GAPVD1: variants seen among roughly 807,000 people sequenced by gnomAD.
GAPVD1 encodes the protein GTPase-activating protein and VPS9 domain-containing protein 1.
GAPVD1 carries 35 observed loss-of-function variants against 155.5 expected under a neutral mutation model. That is an observed-to-expected ratio of 0.23 (90% CI 0.17 to 0.30). GAPVD1 has a LOEUF of 0.30. GAPVD1 is among the 10% of genes least tolerant of loss of function. The pLI is 1.00. For missense variants in GAPVD1, 1,429 were observed against 1,775.7 expected, an observed-to-expected ratio of 0.80 and a Z score of 3.51; for synonymous variants, 636 against 619.7, an observed-to-expected ratio of 1.03 and a Z score of -0.39.
intron 17 of GAPVD1, among the ~76,000 whole-genome samples, chr9:125,338,092 T>A (rs1315404263): frequency 1.3e-5 from 2 of 152,210 alleles, no homozygotes; most frequent in Non-Finnish European, 2.9e-5. Context: ...GCCAGGATGG[T>A]TTTGATCTCC....
intron 17 of GAPVD1, among the ~76,000 whole-genome samples, chr9:125,340,173 A>G (rs1453991573): frequency 6.6e-6 from 1 of 152,074 alleles, no homozygotes; most frequent in East Asian, 1.9e-4. Flanking sequence ...GGCGAGCACC[A>G]CCACGCCCGG....
intron 25 of GAPVD1, among the ~76,000 whole-genome samples, chr9:125,358,401 C>T (rs981933297): frequency 3.9e-5 from 6 of 152,144 alleles, no homozygotes; most frequent in South Asian, 2.1e-4. Flanking sequence ...CCACCCCGCC[C>T]GGCCTTCTGT....
chr9:125,339,821 G>A (rs1847579468), intron 17 of GAPVD1, among the ~76,000 whole-genome samples: 1 of 152,108 alleles, frequency 6.6e-6, no homozygotes, highest in African/African-American at 2.4e-5. Flanking sequence ...TATTCCATCA[G>A]TTCTCCTGTA....
intron 2 of GAPVD1, among the ~76,000 whole-genome samples, chr9:125,288,037 G>A (rs1251755876): frequency 6.6e-6 from 1 of 151,896 alleles, no homozygotes; most frequent in Non-Finnish European, 1.5e-5. Context: ...ACCGTTTCTG[G>A]CCTACTTTAA....
At chr9:125,294,823 A>G (rs2132681215) in intron 2 of GAPVD1, among the ~76,000 whole-genome samples, 1 of 152,172 alleles carries the variant, frequency 6.6e-6, no homozygotes, top group East Asian at 1.9e-4. Context: ...TTTGTGTGGT[A>G]TTTGGGTGTA....
chr9:125,272,287 G>A (rs1261261584), intron 2 of GAPVD1, among the ~76,000 whole-genome samples: 5 of 152,148 alleles, frequency 3.3e-5, no homozygotes, highest in Admixed American at 3.3e-4. Context: ...CTCCCAAAGT[G>A]CTGGGATTAC....
In GAPVD1 at chr9:125,278,787, A is replaced by G. The variant is rs531910612; in HGVS notation, c.-150+9803A>G. 2.6e-4 allele frequency among the ~76,000 whole-genome samples: 40 copies of G among 152,148 alleles called. No individual in the cohort carries two copies. In the South Asian group the frequency reaches 7.5e-3, roughly 28 times the overall value. On this transcript the variant is annotated intron_variant, in intron 2 of 27. Transcript: ENST00000297933. Reference sequence around the variant, plus strand: ...GACATCAAGGCTGCAGTGAGCCATTATCATGCCACAGTACTCCAGCCTGGG... The same window carrying G: ...GACATCAAGGCTGCAGTGAGCCATTGTCATGCCACAGTACTCCAGCCTGGG...
intron 12 of GAPVD1, among the ~76,000 whole-genome samples, chr9:125,327,643 G>C (rs1271856515): frequency 6.6e-6 from 1 of 151,992 alleles, no homozygotes. Flanking sequence ...AGCTGGGACT[G>C]CAGGTGCCCA....
Position 125,341,211 on chromosome 9 carries a change from C to T in GAPVD1, c.2912C>T (p.Ser971Leu), listed in dbSNP as rs1348648251. Reference protein sequence around the residue: ...EERKDSDDEKSDRNRPWWRKR... With the variant: ...EERKDSDDEKLDRNRPWWRKR... ...CGCAAAGATAGCGATGATGAGAAAT[C>T]AGACAGGAACAGACCTTGGTGGAGA... The change falls in exon 18 of 28, where the codon TCA becomes TTA. Residue 971 changes from serine (S) to leucine (L), a missense_variant. Ser to Leu is a moderately radical substitution (Grantham distance 145). This residue lies in a region of GAPVD1 where 699 missense variants were observed against 826.0 expected (regional missense o/e 0.85). Transcript: ENST00000297933. 6.2e-7 allele frequency: 1 copy of T among 1,605,874 alleles called. No homozygotes were observed. Among genetic ancestry groups the T allele is most frequent in the South Asian group, 1.1e-5 (1 of 90,672 alleles).
chr9:125,280,516 G>T (rs781534479), intron 2 of GAPVD1, among the ~76,000 whole-genome samples: 4 of 150,746 alleles, frequency 2.7e-5, no homozygotes, highest in African/African-American at 4.9e-5. Context: ...TATTTCCTAA[G>T]CACCCTTATT....
At chr9:125,335,264 A>G in intron 15 of GAPVD1, 1 of 695,882 alleles carries the variant, frequency 1.4e-6, no homozygotes, top group South Asian at 1.7e-5. Context: ...TAAGCTGTAC[A>G]TTAAAAATAC....
intron 1 of GAPVD1, among the ~76,000 whole-genome samples, chr9:125,265,966 G>A (rs1234597359): frequency 6.8e-6 from 1 of 147,510 alleles, no homozygotes; most frequent in African/African-American, 2.5e-5. Flanking sequence ...TTACTGTTAG[G>A]AGGAGGAAAA....
Position 125,300,262 on chromosome 9 carries a change from A to G in GAPVD1, c.185+1156A>G, listed in dbSNP as rs546861031. Among the ~76,000 whole-genome samples the G allele has an allele frequency of 3.4e-5, 5 of 147,504 alleles. No homozygotes were observed. The East Asian group carries it at 1.0e-3, about 30-fold the overall frequency. ...AGTGGCACAATCTCAGCTCACTGCA[A>G]CCTCTGCCTCCTGGGTTCAAGAGAT... On this transcript the variant is annotated intron_variant, in intron 4 of 27. Transcript: ENST00000297933.
chr9:125,293,869 TATATATATATA>T (rs1202277990), intron 2 of GAPVD1, among the ~76,000 whole-genome samples: 9 of 21,188 alleles, frequency 4.2e-4, no homozygotes, highest in African/African-American at 2.2e-3. Context: ...TATATATATA[TATATATATATA>T]TATATATATA....
Position 125,337,449 on chromosome 9 carries a change from C to G in GAPVD1, c.2735C>G (p.Pro912Arg), listed in dbSNP as rs1174006397. ...GATATAGTATCTTCTGTCCGGAGAC[C>G]CATGAGTGACCCCAGCTGGAACCGG... ...SSDIVSSVRR[P>R]MSDPSWNRRP... The change falls in exon 17 of 28, where the codon CCC becomes CGC. Residue 912 changes from proline (P) to arginine (R), a missense_variant. By Grantham distance (103) the Pro-to-Arg change is moderately radical. This residue lies in a region of GAPVD1 where 699 missense variants were observed against 826.0 expected (regional missense o/e 0.85). Transcript: ENST00000297933. 1 of 1,614,002 alleles carries G rather than the reference C, an allele frequency of 6.2e-7. No homozygotes were observed. The highest frequency in any genetic ancestry group is 1.3e-5 in the African/African-American group (1 of 74,892).
In GAPVD1 at chr9:125,363,448, A is replaced by G. The variant is rs1042722964; in HGVS notation, c.*702A>G. 2.6e-5 allele frequency: 4 copies of G among 152,188 alleles called. No homozygotes were observed. The East Asian group carries it at 7.7e-4, about 29-fold the overall frequency. The allele number at this position is 152,188 out of a possible 1,614,324, so 9.4% of individuals were successfully genotyped here. On this transcript the variant is annotated 3_prime_UTR_variant, in exon 28 of 28. Transcript: ENST00000297933. ...ATTAAAATGTAATACAGTTTATTGA[A>G]CTTTCTAGGTATGGAGTTTGATGGA...
chr9:125,282,481 A>G (rs1836952078), intron 2 of GAPVD1, among the ~76,000 whole-genome samples: 1 of 152,076 alleles, frequency 6.6e-6, no homozygotes, highest in Admixed American at 6.6e-5. Flanking sequence ...TCTTTTACAC[A>G]TGTAGGTTTC....
intron 6 of GAPVD1, among the ~76,000 whole-genome samples, chr9:125,305,993 C>T (rs531124430): frequency 3.4e-4 from 51 of 152,224 alleles, no homozygotes; most frequent in African/African-American, 1.1e-3. Context: ...AAGTTAACAT[C>T]TATGACATTG....
chr9:125,349,426 C>T lies in GAPVD1; in HGVS notation c.3206C>T (p.Pro1069Leu). 4 of 1,613,728 alleles carry T rather than the reference C, an allele frequency of 2.5e-6. No individual in the cohort carries two copies. The South Asian group carries it at 4.4e-5, about 18-fold the overall frequency. The change falls in exon 21 of 28, where the codon CCC (proline) becomes CTC (leucine). Residue 1069 changes from proline to leucine, a missense_variant. Around this residue, in one of 4 missense-constraint regions of GAPVD1, gnomAD observed 699 missense variants for 826.0 expected, o/e 0.85. Coordinates refer to ENST00000297933, the MANE Select transcript of GAPVD1 (RefSeq NM_001282680.3). ...GATGGTGAAAGTGCACATGATTCTCCCCGTGACGAAGCACTGCAGAACATC... is the reference window on the plus strand; with the variant it reads ...GATGGTGAAAGTGCACATGATTCTCTCCGTGACGAAGCACTGCAGAACATC... Reference protein sequence around the residue: ...MGDGESAHDSPRDEALQNISA... With the variant: ...MGDGESAHDSLRDEALQNISA...
Sources: allele counts gnomAD v4.1 joint callset (sites outside exome capture counted in the v4.1 genomes callset), GRCh38; gene constraint gnomAD v4.1.1; regional missense constraint gnomAD v4.1.1; transcripts MANE v1.5; gene names NCBI Gene and HGNC (gene_info 2026-07-23, HGNC 2026-07-21).